The following CAPZA3 variants were observed in gnomAD, a reference collection of about 807,000 sequenced individuals.
CAPZA3 encodes the protein capping actin protein of muscle Z-line subunit alpha 3, also known as F-actin-capping protein subunit alpha-3.
CAPZA3 carries 22 observed loss-of-function variants against 23.6 expected under a neutral mutation model. The ratio of observed to expected loss-of-function variants is 0.93; its 90% CI spans 0.67 to 1.33. The LOEUF (loss-of-function observed/expected upper bound fraction) is 1.33, where lower values mean the gene tolerates loss of function less well. Ranked by LOEUF, CAPZA3 falls within the 40% of genes most tolerant of loss-of-function variation. The pLI is 0.00. For missense variants in CAPZA3, 357 were observed against 345.9 expected (o/e 1.03, Z -0.25); for synonymous variants, 142 against 126.5 (o/e 1.12, Z -0.82).
Position 18,738,572 on chromosome 12 carries a change from A to C in CAPZA3, c.304A>C (p.Lys102Gln), listed in dbSNP as rs1399662975. 1 of 1,614,132 alleles carries C rather than the reference A, an allele frequency of 6.2e-7. No individual in the cohort carries two copies. Among genetic ancestry groups the C allele is most frequent in the Admixed American group, 1.7e-5 (1 of 59,994 alleles). ...FKYDLLQNQL[K>Q]DIQSHGIIQN... Reference sequence around the variant, plus strand: ...ATATGACCTGCTTCAAAATCAGCTGAAAGACATCCAAAGTCATGGTATCAT... The same window carrying C: ...ATATGACCTGCTTCAAAATCAGCTGCAAGACATCCAAAGTCATGGTATCAT... The change falls in exon 1 of 1, where the codon AAA (lysine) becomes CAA (glutamine). Residue 102 changes from lysine to glutamine, a missense_variant. Transcript: ENST00000317658.
Position 18,738,631 on chromosome 12 carries a change from TC to T in CAPZA3, c.364del (p.Leu122CysfsTer4). 6.2e-7 allele frequency: 1 copy of T among 1,614,098 alleles called. No homozygotes were observed. Among genetic ancestry groups the T allele is most frequent in the Non-Finnish European group, 8.5e-7 (1 of 1,179,986 alleles). On this transcript the variant is annotated frameshift_variant, in exon 1 of 1. Transcript: ENST00000317658. LOFTEE classifies it high-confidence loss of function. ...NEAEYLRVVL[L>X]CALKLYVNDH... ...AGGCAGAATACCTGAGAGTTGTTCT[TC>T]TGTGCGCCTTAAAACTGTATGTGAA... is the stretch of plus-strand genomic sequence containing the variant.
Position 18,738,179 on chromosome 12 carries a change from A to AC in CAPZA3, c.-89dup. The AC allele has an allele frequency of 8.0e-7, 1 of 1,251,546 alleles. No homozygotes were observed. Among genetic ancestry groups the AC allele is most frequent in the Non-Finnish European group, 1.1e-6 (1 of 893,832 alleles). 77.5% of individuals were successfully genotyped at this position (1,251,546 alleles called of 1,614,324 possible). On this transcript the variant is annotated 5_prime_UTR_variant, in exon 1 of 1. An upstream open reading frame in the 5' UTR loses its in-frame stop. Coordinates refer to ENST00000317658, the MANE Select transcript of CAPZA3 (RefSeq NM_033328.3). ...ATAAAAACCTTCAGCTTGAATGTTAACACCTTGATGGGAAAGGTGGCTCAT... is the reference window on the plus strand; with the variant it reads ...ATAAAAACCTTCAGCTTGAATGTTAACCACCTTGATGGGAAAGGTGGCTCAT...
Position 18,738,135 on chromosome 12 carries a change from C to CCTG in CAPZA3, c.-131_-129dup. On this transcript the variant is annotated 5_prime_UTR_variant, in exon 1 of 1. Coordinates refer to ENST00000317658, the MANE Select transcript of CAPZA3 (RefSeq NM_033328.3). ...AGGAGGCTCAGACCTTGCCAGACTGCCTGCTTTCATGGATAGACATAAAAA... is the reference window on the plus strand; with the variant it reads ...AGGAGGCTCAGACCTTGCCAGACTGCCTGCTGCTTTCATGGATAGACATAAAAA... 1.2e-6 allele frequency: 1 copy of CCTG among 815,822 alleles called. No individual in the cohort carries two copies. Among genetic ancestry groups the CCTG allele is most frequent in the South Asian group, 1.7e-5 (1 of 57,390 alleles). The allele number at this position is 815,822 out of a possible 1,614,324, so 50.5% of individuals were successfully genotyped here.
chr12:18,738,236 A>T lies in CAPZA3; in HGVS notation c.-33A>T, dbSNP rs1464745827. 1 of 1,557,672 alleles carries T rather than the reference A, an allele frequency of 6.4e-7. No homozygotes were observed. The highest frequency in any genetic ancestry group is 1.4e-5 in the African/African-American group (1 of 73,010). On this transcript the variant is annotated 5_prime_UTR_variant, in exon 1 of 1. Coordinates refer to ENST00000317658, the MANE Select transcript of CAPZA3 (RefSeq NM_033328.3). ...TTTTCTTATCCTTTGAACACTCCTCATTTCAGAAGCTTTGCTTCTGTTGCA... is the reference window on the plus strand; with the variant it reads ...TTTTCTTATCCTTTGAACACTCCTCTTTTCAGAAGCTTTGCTTCTGTTGCA...
Position 18,738,619 on chromosome 12 carries a change from G to A in CAPZA3, c.351G>A (p.Leu117=), listed in dbSNP as rs1035766955. Residue 117 remains leucine, a synonymous_variant, in exon 1 of 1, where the codon CTG becomes CTA. Transcript: ENST00000317658. ...HGIIQNEAEY[L]RVVLLCALKL... is the part of the protein sequence containing the mutation. ...TCATTCAGAATGAGGCAGAATACCT[G>A]AGAGTTGTTCTTCTGTGCGCCTTAA... is the stretch of plus-strand genomic sequence containing the variant. 4 of 1,613,924 alleles carry A rather than the reference G, an allele frequency of 2.5e-6. No homozygotes were observed. Among genetic ancestry groups the A allele is most frequent in the Non-Finnish European group, 3.4e-6 (4 of 1,179,944 alleles).
rs147540838 is a variant in CAPZA3, at chr12:18,738,987, T to C, written c.719T>C (p.Val240Ala). The change falls in exon 1 of 1, where the codon GTC becomes GCC. Residue 240 changes from valine (V) to alanine (A), a missense_variant. Val to Ala is a moderately conservative substitution (Grantham distance 64). Transcript: ENST00000317658. ...CAAGAGAACAAATTTCAAGCTGCAG[T>C]CTTGGAAGAATTACAGGAGTTATCC... ...EEQENKFQAA[V>A]LEELQELSNE... 273 of 1,612,868 alleles carry C rather than the reference T, an allele frequency of 1.7e-4. No homozygotes were observed. The highest frequency in any genetic ancestry group is 2.2e-4 in the Non-Finnish European group (260 of 1,179,932).
rs780970849 is a variant in CAPZA3 at position 18,739,059 on chromosome 12, G to A, written c.791G>A (p.Arg264His). Residue 264 changes from arginine (R) to histidine (H), a missense_variant, in exon 1 of 1, where the codon CGC becomes CAC. Arg to His is a conservative substitution (Grantham distance 29). Coordinates refer to ENST00000317658, the MANE Select transcript of CAPZA3 (RefSeq NM_033328.3). Reference sequence around the variant, plus strand: ...CTACGAAGGGATCTTCCAGTGACCCGCACTCTTATTGACTGGCACAGGATA... The same window carrying A: ...CTACGAAGGGATCTTCCAGTGACCCACACTCTTATTGACTGGCACAGGATA... ...KILRRDLPVT[R>H]TLIDWHRILS... The A allele has an allele frequency of 9.9e-6, 16 of 1,611,786 alleles. No individual in the cohort carries two copies. The highest frequency in any genetic ancestry group is 8.3e-5 in the Admixed American group (5 of 59,940).
Position 18,738,986 on chromosome 12 carries a change from G to T in CAPZA3, c.718G>T (p.Val240Phe). Reference protein sequence around the residue: ...EEQENKFQAAVLEELQELSNE... With the variant: ...EEQENKFQAAFLEELQELSNE... ...GCAAGAGAACAAATTTCAAGCTGCA[G>T]TCTTGGAAGAATTACAGGAGTTATC... Residue 240 changes from valine to phenylalanine, a missense_variant, in exon 1 of 1, where the codon GTC becomes TTC. Val to Phe is a conservative substitution (Grantham distance 50). Coordinates refer to ENST00000317658, the MANE Select transcript of CAPZA3 (RefSeq NM_033328.3). 1.2e-6 allele frequency: 2 copies of T among 1,612,992 alleles called. No individual in the cohort carries two copies. The highest frequency in any genetic ancestry group is 3.3e-4 in the Middle Eastern group (2 of 6,062).
In CAPZA3 at chr12:18,738,173, A is replaced by ATGT. The variant is rs1407936701; in HGVS notation, c.-94_-92dup. The ATGT allele has an allele frequency of 8.4e-7, 1 of 1,195,050 alleles. No individual in the cohort carries two copies. Among genetic ancestry groups the ATGT allele is most frequent in the Non-Finnish European group, 1.2e-6 (1 of 843,822 alleles). The allele number at this position is 1,195,050 out of a possible 1,614,324, so 74.0% of individuals were successfully genotyped here. On this transcript the variant is annotated 5_prime_UTR_variant, in exon 1 of 1. It removes the in-frame stop codon of an upstream open reading frame in the 5' UTR. Transcript: ENST00000317658. The stretch of plus-strand genomic sequence containing the variant: ...ATAGACATAAAAACCTTCAGCTTGA[A>ATGT]TGTTAACACCTTGATGGGAAAGGTG...
Position 18,739,065 on chromosome 12 carries a change from T to C in CAPZA3, c.797T>C (p.Leu266Pro), listed in dbSNP as rs1462460514. The C allele has an allele frequency of 3.1e-6, 5 of 1,612,380 alleles. No homozygotes were observed. In the East Asian group the frequency reaches 1.1e-4, roughly 36 times the overall value. Residue 266 changes from leucine (L) to proline (P), a missense_variant, in exon 1 of 1, where the codon CTT becomes CCT. Transcript: ENST00000317658. ...AGGGATCTTCCAGTGACCCGCACTC[T>C]TATTGACTGGCACAGGATACTCTCT... ...LRRDLPVTRT[L>P]IDWHRILSDL...
chr12:18,738,954 T>C lies in CAPZA3; in HGVS notation c.686T>C (p.Val229Ala), dbSNP rs1959708865. 1 of 1,613,588 alleles carries C rather than the reference T, an allele frequency of 6.2e-7. No homozygotes were observed. The highest frequency in any genetic ancestry group is 2.2e-5 in the East Asian group (1 of 44,872). Residue 229 changes from valine to alanine, a missense_variant, in exon 1 of 1, where the codon GTG becomes GCG. Physicochemically the swap from Val to Ala is moderately conservative, Grantham distance 64. Transcript: ENST00000317658. ...CTGGCTCTAAGTTTTGCAAGGCTTGTGGAAGAGCAAGAGAACAAATTTCAA... is the reference window on the plus strand; with the variant it reads ...CTGGCTCTAAGTTTTGCAAGGCTTGCGGAAGAGCAAGAGAACAAATTTCAA... ...AQLALSFARLVEEQENKFQAA... is the reference protein window; with the variant it reads ...AQLALSFARLAEEQENKFQAA...
Position 18,738,812 on chromosome 12 carries a change from C to T in CAPZA3, c.544C>T (p.Leu182=), listed in dbSNP as rs764491379. Residue 182 remains leucine (L), a synonymous_variant, in exon 1 of 1, where the codon CTA becomes TTA. Transcript: ENST00000317658. ...ATGGATTTTCCAAGTTAACCCATTT[C>T]TAACCCAAGTAACGGGAAGAATATT... The part of the protein sequence containing the change: ...SKWIFQVNPF[L]TQVTGRIFVQ... 6.2e-6 allele frequency: 10 copies of T among 1,613,948 alleles called. No homozygotes were observed. Among genetic ancestry groups the T allele is most frequent in the Non-Finnish European group, 8.5e-6 (10 of 1,179,998 alleles).
In CAPZA3 at chr12:18,738,181, A is replaced by C. The variant is rs1959641015; in HGVS notation, c.-88A>C. ...AAAAACCTTCAGCTTGAATGTTAAC[A>C]CCTTGATGGGAAAGGTGGCTCATGG... On this transcript the variant is annotated 5_prime_UTR_variant, in exon 1 of 1. Transcript: ENST00000317658. 7.9e-7 allele frequency: 1 copy of C among 1,269,316 alleles called. No homozygotes were observed. The highest frequency in any genetic ancestry group is 2.3e-5 in the Admixed American group (1 of 44,106). The allele number at this position is 1,269,316 out of a possible 1,614,324, so 78.6% of individuals were successfully genotyped here.
In CAPZA3 at chr12:18,738,709, T is replaced by G; in HGVS notation, c.441T>G (p.Ser147Arg). The G allele has an allele frequency of 1.2e-6, 2 of 1,614,046 alleles. No homozygotes were observed. The highest frequency in any genetic ancestry group is 2.2e-5 in the East Asian group (1 of 44,878). ...ACATGCTGAGAAAAACTGTCAAAAG[T>G]AAGGAGTACTTGATAGCTTGCATTG... The part of the protein sequence containing the change: ...NCNMLRKTVK[S>R]KEYLIACIED... Residue 147 changes from serine to arginine, a missense_variant, in exon 1 of 1, where the codon AGT becomes AGG. Ser to Arg is a moderately radical substitution (Grantham distance 110). Transcript: ENST00000317658.
In CAPZA3 at chr12:18,738,589, T is replaced by C. The variant is rs756237408; in HGVS notation, c.321T>C (p.His107=). The change falls in exon 1 of 1, where the codon CAT becomes CAC. Residue 107 remains histidine, a synonymous_variant. Transcript: ENST00000317658. ...ATCAGCTGAAAGACATCCAAAGTCA[T>C]GGTATCATTCAGAATGAGGCAGAAT... is the stretch of plus-strand genomic sequence containing the variant. ...LQNQLKDIQS[H]GIIQNEAEYL... 1.7e-5 allele frequency: 28 copies of C among 1,613,996 alleles called. No individual in the cohort carries two copies. The East Asian group carries it at 4.7e-4, about 27-fold the overall frequency.
In CAPZA3 at chr12:18,738,231, T is replaced by A. The variant is rs761304177; in HGVS notation, c.-38T>A. On this transcript the variant is annotated 5_prime_UTR_variant, in exon 1 of 1. Coordinates refer to ENST00000317658, the MANE Select transcript of CAPZA3 (RefSeq NM_033328.3). ...GAATGTTTTCTTATCCTTTGAACAC[T>A]CCTCATTTCAGAAGCTTTGCTTCTG... 5 of 1,545,478 alleles carry A rather than the reference T, an allele frequency of 3.2e-6. No homozygotes were observed. In the East Asian group the frequency reaches 9.0e-5, roughly 28 times the overall value.
chr12:18,738,534 A>G lies in CAPZA3; in HGVS notation c.266A>G (p.Lys89Arg). 6.2e-7 allele frequency: 1 copy of G among 1,614,108 alleles called. No homozygotes were observed. The highest frequency in any genetic ancestry group is 8.5e-7 in the Non-Finnish European group (1 of 1,179,998). Residue 89 changes from lysine to arginine, a missense_variant, in exon 1 of 1, where the codon AAA becomes AGA. Transcript: ENST00000317658. ...GDYRFFDHQS[K>R]LSFKYDLLQN... ...TACCGATTTTTTGACCATCAAAGCAAACTTTCTTTCAAATATGACCTGCTT... is the reference window on the plus strand; with the variant it reads ...TACCGATTTTTTGACCATCAAAGCAGACTTTCTTTCAAATATGACCTGCTT...
In CAPZA3 at chr12:18,738,864, T is replaced by A; in HGVS notation, c.596T>A (p.Val199Asp). ...GTGCAAGCTCACTTCTTCAGGTGTG[T>A]CAACCTTCATATTGAAATATCCAAG... ...IFVQAHFFRC[V>D]NLHIEISKDL... The change falls in exon 1 of 1, where the codon GTC becomes GAC. Residue 199 changes from valine to aspartate, a missense_variant. Coordinates refer to ENST00000317658, the MANE Select transcript of CAPZA3 (RefSeq NM_033328.3). 1.2e-6 allele frequency: 2 copies of A among 1,614,032 alleles called. No individual in the cohort carries two copies. The highest frequency in any genetic ancestry group is 1.7e-6 in the Non-Finnish European group (2 of 1,179,958).
chr12:18,738,932 G>T lies in CAPZA3; in HGVS notation c.664G>T (p.Ala222Ser). ...GGAAATAGTTAACCAAGCTCAACTG[G>T]CTCTAAGTTTTGCAAGGCTTGTGGA... ...SLEIVNQAQL[A>S]LSFARLVEEQ... The change falls in exon 1 of 1, where the codon GCT becomes TCT. Residue 222 changes from alanine to serine, a missense_variant. Coordinates refer to ENST00000317658, the MANE Select transcript of CAPZA3 (RefSeq NM_033328.3). 6.2e-7 allele frequency: 1 copy of T among 1,613,932 alleles called. No homozygotes were observed. The highest frequency in any genetic ancestry group is 1.1e-5 in the South Asian group (1 of 91,074).
Sources: allele counts gnomAD v4.1 joint callset, GRCh38; gene constraint gnomAD v4.1.1; transcripts MANE v1.5; gene names NCBI Gene and HGNC (gene_info 2026-07-23, HGNC 2026-07-21).